Variants in NRXN3 observed in about 807,000 individuals in gnomAD.
The protein encoded by NRXN3 is neurexin III.
Under a neutral mutation model 137.6 loss-of-function variants are expected in NRXN3, and 32 were observed. The observed-to-expected ratio is 0.23, with a 90% CI of 0.18 to 0.31. The LOEUF (loss-of-function observed/expected upper bound fraction) is 0.31. Among genes scored for constraint, NRXN3 ranks in the 10% least tolerant of loss-of-function variants. The pLI, the probability that NRXN3 is intolerant of heterozygous loss-of-function variation, is 1.00. For missense variants in NRXN3, 1,574 were observed against 2,062.5 expected (o/e 0.76, Z 4.59); for synonymous variants, 798 against 784.5 (o/e 1.02, Z -0.29).
chr14:78,589,055 T>C lies in NRXN3; in HGVS notation c.758-56065T>C, dbSNP rs7158535. The stretch of plus-strand genomic sequence containing the variant: ...CTTGGGAATCTGGTGCATTCTGAGA[T>C]GGAGGGAATGCCAAGTGTTTAGACA... On this transcript the variant is annotated intron_variant, in intron 4 of 20. Coordinates refer to ENST00000335750, the MANE Select transcript of NRXN3 (RefSeq NM_001330195.2). Among the ~76,000 whole-genome samples the C allele has an allele frequency of 3.4e-3, 520 of 152,298 alleles. 4 individuals carry two copies. Among genetic ancestry groups the C allele is most frequent in the African/African-American group, 0.012 (482 of 41,572 alleles).
At chr14:79,693,867 G>T (rs578083158) in intron 18 of NRXN3, among the ~76,000 whole-genome samples, 1 of 151,982 alleles carries the variant, frequency 6.6e-6, no homozygotes, top group Non-Finnish European at 1.5e-5. Context: ...AATCTGAAAA[G>T]AATTATTTGC....
chr14:78,967,319 T>C lies in NRXN3; in HGVS notation c.2889T>C (p.Asn963=). 6.2e-7 allele frequency: 1 copy of C among 1,613,822 alleles called. No individual in the cohort carries two copies. The highest frequency in any genetic ancestry group is 8.5e-7 in the Non-Finnish European group (1 of 1,179,964). ...ACAATGTCGTCATCACTCGGGACAA[T>C]AGTAACACTCATAGCCTGAAAGTGG... ...QWHNVVITRD[N]SNTHSLKVDT... is the part of the protein sequence containing the mutation. The change falls in exon 13 of 21, where the codon AAT becomes AAC. Residue 963 remains asparagine, a synonymous_variant. Transcript: ENST00000335750.
At chr14:78,858,553 G>T (rs1341008691) in intron 10 of NRXN3, among the ~76,000 whole-genome samples, 14 of 152,142 alleles carry the variant, frequency 9.2e-5, no homozygotes, top group South Asian at 4.1e-4. Flanking sequence ...AGACCAAAAA[G>T]ATGTAAGTAA....
intron 10 of NRXN3, among the ~76,000 whole-genome samples, chr14:78,914,255 T>C (rs568650793): frequency 6.6e-6 from 1 of 152,350 alleles, no homozygotes; most frequent in African/African-American, 2.4e-5. Flanking sequence ...CAATGTATTC[T>C]GGGCTCCAAA....
intron 4 of NRXN3, among the ~76,000 whole-genome samples, chr14:78,627,104 TTCTCTCTCTCTCTC>T (rs68104206): frequency 0.03 from 3,605 of 121,090 alleles, 65 homozygotes; most frequent in Middle Eastern, 0.063. Context: ...CCTCCCTCCC[TTCTCTCTCTCTCTC>T]TCTCTCTCTC....
chr14:78,485,590 C>T (rs2095548754), intron 4 of NRXN3, among the ~76,000 whole-genome samples: 1 of 152,158 alleles, frequency 6.6e-6, no homozygotes, highest in Non-Finnish European at 1.5e-5. Context: ...GCTATTACAT[C>T]AGCATTGTTT....
At chr14:78,428,029 A>C (rs950731484) in intron 4 of NRXN3, among the ~76,000 whole-genome samples, 1 of 152,180 alleles carries the variant, frequency 6.6e-6, no homozygotes, top group Non-Finnish European at 1.5e-5. Flanking sequence ...GACATGTTTG[A>C]TTATCTCTTG....
intron 15 of NRXN3, among the ~76,000 whole-genome samples, chr14:79,150,399 G>T (rs1426470079): frequency 6.6e-6 from 1 of 151,808 alleles, no homozygotes; most frequent in Non-Finnish European, 1.5e-5. Context: ...TATGTCATAT[G>T]TGTGTGGGGT....
chr14:79,796,978 A>C (rs1012331322), intron 19 of NRXN3, among the ~76,000 whole-genome samples: 21 of 152,308 alleles, frequency 1.4e-4, no homozygotes, highest in Non-Finnish European at 2.5e-4. Flanking sequence ...CTTAAATCTC[A>C]GTAGTCTATA....
chr14:78,394,859 A>G (rs932069171), intron 4 of NRXN3, among the ~76,000 whole-genome samples: 1 of 151,794 alleles, frequency 6.6e-6, no homozygotes, highest in African/African-American at 2.4e-5. Context: ...AGTATTATCA[A>G]ATTTATGTAT....
intron 15 of NRXN3, among the ~76,000 whole-genome samples, chr14:79,158,913 G>A (rs2060501128): frequency 6.6e-6 from 1 of 151,802 alleles, no homozygotes; most frequent in Admixed American, 6.6e-5. Flanking sequence ...CTGCAAGATG[G>A]TTGCCTAATT....
chr14:78,667,688 A>C (rs1327842790), intron 6 of NRXN3, among the ~76,000 whole-genome samples: 2 of 152,152 alleles, frequency 1.3e-5, no homozygotes, highest in Admixed American at 6.5e-5. Context: ...AGGAAAAAAA[A>C]CTCACTCATG....
intron 4 of NRXN3, among the ~76,000 whole-genome samples, chr14:78,567,188 A>G (rs2096844021): frequency 6.6e-6 from 1 of 152,214 alleles, no homozygotes; most frequent in African/African-American, 2.4e-5. Context: ...CTCTAAAGGA[A>G]CCATCATAGA....
chr14:78,581,154 A>G (rs2096991042), intron 4 of NRXN3, among the ~76,000 whole-genome samples: 1 of 152,238 alleles, frequency 6.6e-6, no homozygotes, highest in South Asian at 2.1e-4. Flanking sequence ...CAAGGCTACT[A>G]ATTAGTACAA....
At position 78,615,444 on chromosome 14, in the gene NRXN3, C is replaced by CAAAA. The variant is rs11456993; in HGVS notation, c.758-29662_758-29659dup. On this transcript the variant is annotated intron_variant, in intron 4 of 20. Coordinates refer to ENST00000335750, the MANE Select transcript of NRXN3 (RefSeq NM_001330195.2). ...TGAAACCCCATCTCTACTGAAAATA[C>CAAAA]AAAAAAAAAAAAAAAAATTAGTCTG... 4.1e-3 allele frequency among the ~76,000 whole-genome samples: 499 copies of CAAAA among 120,906 alleles called. 4 individuals are homozygous for CAAAA. Among genetic ancestry groups the CAAAA allele is most frequent in the African/African-American group, 0.014 (470 of 34,176 alleles). The allele number at this position is 120,906 out of a possible 152,430, so 79.3% of individuals were successfully genotyped here.
chr14:79,489,528 G>A (rs376128342), intron 16 of NRXN3, among the ~76,000 whole-genome samples: 15 of 152,232 alleles, frequency 9.9e-5, no homozygotes, highest in East Asian at 7.7e-4. Flanking sequence ...TACAGACACC[G>A]GGCTCGTTTC....
intron 15 of NRXN3, among the ~76,000 whole-genome samples, chr14:79,064,145 C>A (rs1193031987): frequency 2.0e-5 from 3 of 152,120 alleles, no homozygotes; most frequent in Non-Finnish European, 4.4e-5. Context: ...ATCATCAGTG[C>A]TTTTCATCTG....
intron 4 of NRXN3, among the ~76,000 whole-genome samples, chr14:78,484,078 C>T (rs1191809243): frequency 6.7e-6 from 1 of 149,690 alleles, no homozygotes; most frequent in African/African-American, 2.5e-5. Context: ...CATAAAGATA[C>T]ATTTCTGTTC....
At chr14:79,295,581 A>G (rs1319429327) in intron 15 of NRXN3, among the ~76,000 whole-genome samples, 1 of 152,134 alleles carries the variant, frequency 6.6e-6, no homozygotes, top group African/African-American at 2.4e-5. Context: ...CTGGACTCCC[A>G]GTACCTAAGG....
Sources: gnomAD v4.1 joint callset for allele counts (sites outside exome capture counted in the v4.1 genomes callset) on GRCh38, gnomAD v4.1.1 for gene constraint, MANE v1.5 for transcripts, NCBI Gene and HGNC (gene_info 2026-07-23, HGNC 2026-07-21) for gene names.